The following MMAB variants were observed in gnomAD, a reference collection of about 807,000 sequenced individuals.
MMAB encodes the protein corrinoid adenosyltransferase MMAB.
A neutral mutation model predicts 30.6 loss-of-function variants in MMAB; 17 were observed. The observed-to-expected ratio is 0.56, with a 90% CI of 0.38 to 0.83. The LOEUF (loss-of-function observed/expected upper bound fraction) is 0.83, where lower values mean the gene tolerates loss of function less well. Ranked by LOEUF, MMAB falls within the 40% of genes least tolerant of loss-of-function variation. The pLI, the probability that MMAB is intolerant of heterozygous loss-of-function variation, is 0.00. For synonymous variants in MMAB, 134 were observed against 138.6 expected (o/e 0.97, Z 0.23); for missense variants, 311 against 331.6 (o/e 0.94, Z 0.48).
In MMAB at chr12:109,556,027, AG is replaced by A. The variant is rs1196711508; in HGVS notation, c.*1000del. 3 of 453,986 alleles carry A rather than the reference AG, an allele frequency of 6.6e-6. No homozygotes were observed. Among genetic ancestry groups the A allele is most frequent in the Non-Finnish European group, 1.3e-5 (3 of 226,786 alleles). The allele number at this position is 453,986 out of a possible 1,614,324, so 28.1% of individuals were successfully genotyped here. On this transcript the variant is annotated 3_prime_UTR_variant, in exon 9 of 9. Transcript: ENST00000545712. ...TCCAAAGTCATTTCCTGCAATTAGC[AG>A]CCTGCAGTCTTTAGGTTCTTGGGGC... is the stretch of plus-strand genomic sequence containing the variant.
At chr12:109,567,143 C>G (rs1884460839) in intron 3 of MMAB, 1 of 417,664 alleles carries the variant, frequency 2.4e-6, no homozygotes, top group Non-Finnish European at 4.8e-6. Context: ...GCACTCCAGT[C>G]TGGGCAACAA....
rs771838871 is a variant in MMAB at position 109,571,607 on chromosome 12, C to T, written c.196+42G>A. On this transcript the variant is annotated intron_variant, in intron 2 of 8. Coordinates refer to ENST00000545712, the MANE Select transcript of MMAB (RefSeq NM_052845.4). ...TGGAAGAACTTTAAAATGGTGTATG[C>T]CATGAGTATTTCTTTGCATTTTTCA... The T allele has an allele frequency of 1.1e-5, 17 of 1,553,928 alleles. No homozygotes were observed. In the South Asian group the frequency reaches 1.7e-4, roughly 15 times the overall value.
At chr12:109,562,602 C>T (rs1884254346) in intron 4 of MMAB, among the ~76,000 whole-genome samples, 1 of 152,226 alleles carries the variant, frequency 6.6e-6, no homozygotes, top group Admixed American at 6.5e-5. Flanking sequence ...CTCCTGTGCA[C>T]CTAGGCCCTG....
intron 7 of MMAB, among the ~76,000 whole-genome samples, chr12:109,559,422 C>T (rs969433449): frequency 6.6e-6 from 1 of 152,210 alleles, no homozygotes; most frequent in Non-Finnish European, 1.5e-5. Flanking sequence ...GCCTACACCA[C>T]ACCCCAGCCA....
rs532978656 is a variant in MMAB, at chr12:109,556,596, G to T, written c.*432C>A. On this transcript the variant is annotated 3_prime_UTR_variant, in exon 9 of 9. Coordinates refer to ENST00000545712, the MANE Select transcript of MMAB (RefSeq NM_052845.4). ...ACAATTACATTTTCAAGGGCCTCTG[G>T]TCCCATTCCAAATCTGTGAACAACC... The T allele has an allele frequency of 6.6e-6, 3 of 453,906 alleles. No individual in the cohort carries two copies. Among genetic ancestry groups the T allele is most frequent in the East Asian group, 6.9e-5 (1 of 14,392 alleles). The allele number at this position is 453,906 out of a possible 1,614,324, so 28.1% of individuals were successfully genotyped here.
Position 109,561,024 on chromosome 12 carries a change from T to C in MMAB, c.584+16A>G. 7.8e-7 allele frequency: 1 copy of C among 1,286,306 alleles called. No individual in the cohort carries two copies. Among genetic ancestry groups the C allele is most frequent in the Non-Finnish European group, 1.0e-6 (1 of 953,514 alleles). The allele number at this position is 1,286,306 out of a possible 1,614,324, so 79.7% of individuals were successfully genotyped here. A position where few individuals can be genotyped will look rare whatever the true frequency, so the allele number is the denominator to read the frequency against. On this transcript the variant is annotated intron_variant, in intron 7 of 8. Transcript: ENST00000545712. The surrounding 1 kb of genome is among the most constrained non-coding windows in gnomAD (Gnocchi z 5.3). ...CCCTCTCCCTTGGGCCCTCTCCCTCTCTCCAGCCCTCTTACCGTCTCTCGG... is the reference window on the plus strand; with the variant it reads ...CCCTCTCCCTTGGGCCCTCTCCCTCCCTCCAGCCCTCTTACCGTCTCTCGG...
In MMAB at chr12:109,555,105, G is replaced by A. The variant is rs1883915439; in HGVS notation, c.*1923C>T. 2.2e-6 allele frequency: 1 copy of A among 453,808 alleles called. No homozygotes were observed. The highest frequency in any genetic ancestry group is 2.0e-5 in the African/African-American group (1 of 49,914). 28.1% of individuals were successfully genotyped at this position (453,808 alleles called of 1,614,324 possible). A position where few individuals can be genotyped will look rare whatever the true frequency, so the allele number is the denominator to read the frequency against. On this transcript the variant is annotated 3_prime_UTR_variant, in exon 9 of 9. Coordinates refer to ENST00000545712, the MANE Select transcript of MMAB (RefSeq NM_052845.4). ...ACTCAAAAAGCTTTCCTTATCCTTT[G>A]GAGGCTGTGCTTTCCCATGGCTAGG... is the stretch of plus-strand genomic sequence containing the variant.
intron 7 of MMAB, 115 bp downstream of exon 7, chr12:109,560,925 G>A (rs1884167014): frequency 9.6e-7 from 1 of 1,041,178 alleles, no homozygotes. Flanking sequence ...CCTGCCCGCT[G>A]TGCAGAGGCC....
rs543646670 is a variant in MMAB at position 109,569,628 on chromosome 12, G to A, written c.197-765C>T. ...CCTTTCTCCCCCAACCTCTGAGAAA[G>A]TGAAAACTGCCCCTGACAGTTTGGA... On this transcript the variant is annotated intron_variant, in intron 2 of 8. Coordinates refer to ENST00000545712, the MANE Select transcript of MMAB (RefSeq NM_052845.4). This position sits in a 1 kb window ranked among gnomAD's most constrained non-coding sequence, Gnocchi z 4.1. 6.6e-6 allele frequency among the ~76,000 whole-genome samples: 1 copy of A among 152,342 alleles called. No individual in the cohort carries two copies. The highest frequency in any genetic ancestry group is 2.1e-4 in the South Asian group (1 of 4,828).
Position 109,555,272 on chromosome 12 carries a change from AG to A in MMAB, c.*1755del, listed in dbSNP as rs1168563885. On this transcript the variant is annotated 3_prime_UTR_variant, in exon 9 of 9. Transcript: ENST00000545712. The stretch of plus-strand genomic sequence containing the variant: ...ACCGAGCCTTAGTGATTGCGTTTTC[AG>A]GGTTTTTTTTTTTTTTTTTTTTTTT... The A allele has an allele frequency of 3.0e-6, 1 of 338,308 alleles. No homozygotes were observed. The highest frequency in any genetic ancestry group is 5.5e-6 in the Non-Finnish European group (1 of 182,312). The allele number at this position is 338,308 out of a possible 1,614,324, so 21.0% of individuals were successfully genotyped here. A position where few individuals can be genotyped will look rare whatever the true frequency, so the allele number is the denominator to read the frequency against.
At chr12:109,571,276 T>C (rs918829432) in intron 2 of MMAB, among the ~76,000 whole-genome samples, 2 of 151,664 alleles carry the variant, frequency 1.3e-5, no homozygotes, top group African/African-American at 4.8e-5. Context: ...TGAGATGGAG[T>C]CTTGCTCTGT....
intron 4 of MMAB, 76 bp downstream of exon 4, chr12:109,565,043 T>C (rs1340546311): frequency 3.7e-6 from 4 of 1,080,508 alleles, no homozygotes; most frequent in Non-Finnish European, 5.8e-6. Flanking sequence ...AAAGAGTAAC[T>C]GGTGGCTGGA....
chr12:109,571,602 G>A, intron 2 of MMAB, 47 bp downstream of exon 2: 1 of 1,529,936 alleles, frequency 6.5e-7, no homozygotes, highest in South Asian at 1.1e-5. Flanking sequence ...TTAAAATGGT[G>A]TATGCCATGA....
In MMAB at chr12:109,561,606, G is replaced by A; in HGVS notation, c.422-89C>T. ...CCACCCCCGCCGCCCTTCCACCTGG[G>A]TGTCCCGCAGACTGCTTCCACTGGC... is the stretch of plus-strand genomic sequence containing the variant. On this transcript the variant is annotated intron_variant, in intron 5 of 8. Coordinates refer to ENST00000545712, the MANE Select transcript of MMAB (RefSeq NM_052845.4). The surrounding 1 kb of genome is among the most constrained non-coding windows in gnomAD (Gnocchi z 5.3). 1.6e-6 allele frequency: 2 copies of A among 1,286,808 alleles called. No homozygotes were observed. Among genetic ancestry groups the A allele is most frequent in the Non-Finnish European group, 2.2e-6 (2 of 915,946 alleles). The allele number at this position is 1,286,808 out of a possible 1,614,324, so 79.7% of individuals were successfully genotyped here. A position where few individuals can be genotyped will look rare whatever the true frequency, so the allele number is the denominator to read the frequency against.
chr12:109,561,397 G>C lies in MMAB; in HGVS notation c.519+23C>G, dbSNP rs188462301. ...ACTGAACCTGCCTGCAGCCGCCCCCGGTTAAGCCTGCCCAGTACCTACAGG... is the reference window on the plus strand; with the variant it reads ...ACTGAACCTGCCTGCAGCCGCCCCCCGTTAAGCCTGCCCAGTACCTACAGG... On this transcript the variant is annotated intron_variant, in intron 6 of 8. Transcript: ENST00000545712. The surrounding 1 kb of genome is among the most constrained non-coding windows in gnomAD (Gnocchi z 5.3). 3 of 1,548,668 alleles carry C rather than the reference G, an allele frequency of 1.9e-6. No homozygotes were observed. Among genetic ancestry groups the C allele is most frequent in the African/African-American group, 1.4e-5 (1 of 73,016 alleles).
chr12:109,573,248 C>T, intron 1 of MMAB, 99 bp downstream of exon 1: 2 of 1,511,970 alleles, frequency 1.3e-6, no homozygotes, highest in Non-Finnish European at 1.8e-6. Context: ...CGTCACCTGA[C>T]GGTTGCCGCG....
chr12:109,561,124 T>G lies in MMAB; in HGVS notation c.520-20A>C. 1 of 1,608,108 alleles carries G rather than the reference T, an allele frequency of 6.2e-7. No homozygotes were observed. The highest frequency in any genetic ancestry group is 8.5e-7 in the Non-Finnish European group (1 of 1,179,904). On this transcript the variant is annotated intron_variant, in intron 6 of 8. Transcript: ENST00000545712. The surrounding 1 kb of genome is among the most constrained non-coding windows in gnomAD (Gnocchi z 5.3). ...TCCCGACTGAAAGGAGAAAGGGACA[T>G]TGCCTGAGCAGGGTGGGAAAGGTGT... is the stretch of plus-strand genomic sequence containing the variant.
chr12:109,564,946 G>A, intron 4 of MMAB, 173 bp downstream of exon 4: 1 of 733,284 alleles, frequency 1.4e-6, no homozygotes, highest in Non-Finnish European at 2.5e-6. Flanking sequence ...GAGATTGCAG[G>A]TGTGAGCCAC....
chr12:109,561,657 G>C lies in MMAB; in HGVS notation c.421+123C>G, dbSNP rs1358841293. The C allele has an allele frequency of 2.5e-6, 3 of 1,213,160 alleles. No homozygotes were observed. The highest frequency in any genetic ancestry group is 1.3e-5 in the South Asian group (1 of 76,810). 75.1% of individuals were successfully genotyped at this position (1,213,160 alleles called of 1,614,324 possible). A position where few individuals can be genotyped will look rare whatever the true frequency, so the allele number is the denominator to read the frequency against. ...TCAGAAGGTACCTTCCCTCCCAGGA[G>C]CTACGAGCAAGGCTAACTGACCCAC... is the stretch of plus-strand genomic sequence containing the variant. On this transcript the variant is annotated intron_variant, in intron 5 of 8. Transcript: ENST00000545712. This position sits in a 1 kb window ranked among gnomAD's most constrained non-coding sequence, Gnocchi z 5.3.
Sources: allele counts gnomAD v4.1 joint callset (sites outside exome capture counted in the v4.1 genomes callset), GRCh38; gene constraint gnomAD v4.1.1; non-coding constraint Gnocchi (gnomAD v3.1); transcripts MANE v1.5; gene names NCBI Gene and HGNC (gene_info 2026-07-23, HGNC 2026-07-21).